Variants in MYRIP observed in about 807,000 individuals in gnomAD.
MYRIP encodes rab effector MyRIP.
Under a neutral mutation model 98.0 loss-of-function variants are expected in MYRIP, and 49 were observed. The ratio of observed to expected loss-of-function variants is 0.50; its 90% CI spans 0.40 to 0.63. The LOEUF is 0.63. Ranked by LOEUF, MYRIP falls within the 30% of genes least tolerant of loss-of-function variation. The pLI is 0.00. For synonymous variants in MYRIP, 404 were observed against 409.5 expected, an observed-to-expected ratio of 0.99 and a Z score of 0.16; for missense variants, 1,004 against 1,058.2, an observed-to-expected ratio of 0.95 and a Z score of 0.71.
At chr3:40,161,304 G>A (rs1950389876) in intron 4 of MYRIP, among the ~76,000 whole-genome samples, 1 of 152,182 alleles carries the variant, frequency 6.6e-6, no homozygotes, top group South Asian at 2.1e-4. Flanking sequence ...GAGAGGTGTT[G>A]TACTAGAAGA....
At chr3:39,852,532 C>T (rs1363165331) in intron 1 of MYRIP, among the ~76,000 whole-genome samples, 1 of 151,222 alleles carries the variant, frequency 6.6e-6, no homozygotes, top group African/African-American at 2.5e-5. Context: ...TTTATTTCAT[C>T]ACCCCACTCC....
intron 3 of MYRIP, among the ~76,000 whole-genome samples, chr3:40,085,469 G>A (rs1243893499): frequency 7.2e-5 from 11 of 152,074 alleles, no homozygotes. Flanking sequence ...ATTTTTAGTA[G>A]AGACGGGGTT....
At chr3:40,114,304 G>GC (rs1949228440) in intron 3 of MYRIP, among the ~76,000 whole-genome samples, 1 of 152,170 alleles carries the variant, frequency 6.6e-6, no homozygotes, top group Admixed American at 6.5e-5. Flanking sequence ...CAGGTTTGTA[G>GC]CCTAGGAGCA....
intron 2 of MYRIP, among the ~76,000 whole-genome samples, chr3:40,013,344 G>A (rs573258499): frequency 1.8e-4 from 27 of 152,340 alleles, no homozygotes; most frequent in African/African-American, 6.0e-4. Flanking sequence ...CTGGAAGAAG[G>A]AAACCTTTTA....
intron 2 of MYRIP, among the ~76,000 whole-genome samples, chr3:40,041,106 T>A (rs1947519769): frequency 7.8e-6 from 1 of 128,430 alleles, no homozygotes; most frequent in South Asian, 2.5e-4. Context: ...GATAAACAAG[T>A]GAATAAATAA....
At chr3:40,034,175 G>A (rs1305341517) in intron 2 of MYRIP, among the ~76,000 whole-genome samples, 2 of 151,720 alleles carry the variant, frequency 1.3e-5, no homozygotes, top group East Asian at 3.9e-4. Context: ...AGGACTTCAT[G>A]TCTAAAACAC....
chr3:40,259,516 C>G lies in MYRIP; in HGVS notation c.*1350C>G, dbSNP rs1953704460. The G allele has an allele frequency of 6.6e-6, 1 of 152,138 alleles. No homozygotes were observed. The highest frequency in any genetic ancestry group is 1.5e-5 in the Non-Finnish European group (1 of 68,032). The allele number at this position is 152,138 out of a possible 1,614,324, so 9.4% of individuals were successfully genotyped here. A position where few individuals can be genotyped will look rare whatever the true frequency, so the allele number is the denominator to read the frequency against. ...ATATTTCAGATTTAATAACTGAAGGCCAGAGAGATTAATTTGCCAAAGCCA... is the reference window on the plus strand; with the variant it reads ...ATATTTCAGATTTAATAACTGAAGGGCAGAGAGATTAATTTGCCAAAGCCA... On this transcript the variant is annotated 3_prime_UTR_variant, in exon 17 of 17. Transcript: ENST00000302541.
intron 3 of MYRIP, among the ~76,000 whole-genome samples, chr3:40,108,967 A>C (rs1949105683): frequency 6.6e-6 from 1 of 152,148 alleles, no homozygotes; most frequent in African/African-American, 2.4e-5. Flanking sequence ...CAATCACCCC[A>C]GGGCTAGGTA....
rs1411184534 is a variant in MYRIP, at chr3:40,241,637, CA to C, written c.2101-2806del. 2.6e-5 allele frequency among the ~76,000 whole-genome samples: 4 copies of C among 152,254 alleles called. No individual in the cohort carries two copies. In the East Asian group the frequency reaches 7.7e-4, roughly 29 times the overall value. On this transcript the variant is annotated intron_variant, in intron 12 of 16. Coordinates refer to ENST00000302541, the MANE Select transcript of MYRIP (RefSeq NM_015460.4). ...CTCTTTATTCTAGAGAATTTAATCA[CA>C]AATAGGTGTTTCATTAAGGAAACAC...
intron 10 of MYRIP, among the ~76,000 whole-genome samples, chr3:40,198,599 G>T (rs1206899051): frequency 6.6e-6 from 1 of 152,072 alleles, no homozygotes; most frequent in Non-Finnish European, 1.5e-5. Flanking sequence ...AAAGATGTTT[G>T]CCAGATACCA....
At chr3:40,049,128 C>G (rs558704287) in intron 3 of MYRIP, among the ~76,000 whole-genome samples, 1 of 152,258 alleles carries the variant, frequency 6.6e-6, no homozygotes, top group South Asian at 2.1e-4. Flanking sequence ...CTTTCTAGCT[C>G]TTTGCTTCAT....
chr3:39,911,885 G>C (rs1356568560), intron 2 of MYRIP, among the ~76,000 whole-genome samples: 1 of 152,180 alleles, frequency 6.6e-6, no homozygotes, highest in Non-Finnish European at 1.5e-5. Context: ...AGCTTCTGAA[G>C]CCAACAGATC....
chr3:39,833,148 GATA>G (rs913698230), intron 1 of MYRIP, among the ~76,000 whole-genome samples: 3 of 152,162 alleles, frequency 2.0e-5, no homozygotes, highest in African/African-American at 4.8e-5. Context: ...ATAATAGGAT[GATA>G]ACAACAACAG....
intron 2 of MYRIP, among the ~76,000 whole-genome samples, chr3:40,037,190 A>G (rs1947403250): frequency 6.6e-6 from 1 of 152,100 alleles, no homozygotes; most frequent in Admixed American, 6.6e-5. Context: ...ATCATGGAGT[A>G]CAGAAAGCAG....
At chr3:40,064,981 C>T (rs570217408) in intron 3 of MYRIP, among the ~76,000 whole-genome samples, 6 of 152,278 alleles carry the variant, frequency 3.9e-5, no homozygotes, top group African/African-American at 1.2e-4. Flanking sequence ...GTAACCTTAA[C>T]CCTGCGTACT....
In MYRIP at chr3:40,105,302, T is replaced by C. The variant is rs1297444337; in HGVS notation, c.333-45746T>C. On this transcript the variant is annotated intron_variant, in intron 3 of 16. Transcript: ENST00000302541. ...TCTATTTTAAAGTAAAATTTTTAAG[T>C]TGTGAAATATGTCCTACATACTGTA... Among the ~76,000 whole-genome samples, 7 of 152,344 alleles carry C rather than the reference T, an allele frequency of 4.6e-5. No individual in the cohort carries two copies. The South Asian group carries it at 8.3e-4, about 18-fold the overall frequency.
chr3:40,093,375 A>C (rs1322191839), intron 3 of MYRIP, among the ~76,000 whole-genome samples: 1 of 152,128 alleles, frequency 6.6e-6, no homozygotes, highest in Non-Finnish European at 1.5e-5. Flanking sequence ...TTCAACCCAA[A>C]ACCCAAGACC....
At chr3:40,065,682 C>T (rs1300689687) in intron 3 of MYRIP, among the ~76,000 whole-genome samples, 1 of 152,146 alleles carries the variant, frequency 6.6e-6, no homozygotes, top group African/African-American at 2.4e-5. Flanking sequence ...GAGGTAGATG[C>T]TTTAATCTTA....
intron 1 of MYRIP, among the ~76,000 whole-genome samples, chr3:39,842,186 G>C (rs1487110333): frequency 2.0e-5 from 3 of 152,156 alleles, no homozygotes; most frequent in South Asian, 2.1e-4. Flanking sequence ...AGGCAGTCTG[G>C]CTACATGGGC....
Sources: allele counts gnomAD v4.1 joint callset (sites outside exome capture counted in the v4.1 genomes callset), GRCh38; gene constraint gnomAD v4.1.1; transcripts MANE v1.5; gene names NCBI Gene and HGNC (gene_info 2026-07-23, HGNC 2026-07-21).